DNAJA3: variants seen among roughly 807,000 people sequenced by gnomAD.
DNAJA3 encodes the protein DnaJ heat shock protein family (Hsp40) member A3, also known as dnaJ homolog subfamily A member 3, mitochondrial.
DNAJA3 carries 29 observed loss-of-function variants against 54.9 expected under a neutral mutation model. The ratio of observed to expected loss-of-function variants is 0.53; its 90% CI spans 0.39 to 0.72. DNAJA3 has a LOEUF of 0.72. Ranked by LOEUF, DNAJA3 falls within the 30% of genes least tolerant of loss-of-function variation. The pLI is 0.00. For synonymous variants in DNAJA3, 302 were observed against 251.4 expected (o/e 1.20, Z -1.90); for missense variants, 708 against 639.4 (o/e 1.11, Z -1.16).
At position 4,434,886 on chromosome 16, in the gene DNAJA3, C is replaced by CTTTTT. The variant is rs202179531; in HGVS notation, c.345+393_345+397dup. The stretch of plus-strand genomic sequence containing the variant: ...GGTTTAGAATTACTTCCTTTCCTTT[C>CTTTTT]TTTTTTTTTTTTTTTTTTTTTTTTT... On this transcript the variant is annotated intron_variant, in intron 2 of 11. Transcript: ENST00000262375. Among the ~76,000 whole-genome samples the CTTTTT allele has an allele frequency of 6.6e-3, 665 of 100,146 alleles. 12 individuals carry two copies. The highest frequency in any genetic ancestry group is 0.011 in the African/African-American group (259 of 24,306). 65.7% of individuals were successfully genotyped at this position (100,146 alleles called of 152,430 possible). A position where few individuals can be genotyped will look rare whatever the true frequency, so the allele number is the denominator to read the frequency against.
intron 1 of DNAJA3, among the ~76,000 whole-genome samples, chr16:4,428,905 T>TTG: frequency 6.8e-6 from 1 of 147,672 alleles, no homozygotes; most frequent in Admixed American, 6.7e-5. Context: ...TTTTTTTTTT[T>TTG]TGAGACGGAG....
Position 4,441,477 on chromosome 16 carries a change from C to T in DNAJA3, c.532C>T (p.Pro178Ser). 1.2e-6 allele frequency: 2 copies of T among 1,614,178 alleles called. No individual in the cohort carries two copies. The highest frequency in any genetic ancestry group is 1.1e-5 in the South Asian group (1 of 91,080). Residue 178 changes from proline (P) to serine (S), a missense_variant, in exon 4 of 12, where the codon CCC becomes TCC. Pro to Ser is a moderately conservative substitution (Grantham distance 74). Coordinates refer to ENST00000262375, the MANE Select transcript of DNAJA3 (RefSeq NM_005147.6). ...GSQHSYWKGGPTVDPEELFRK... is the reference protein window; with the variant it reads ...GSQHSYWKGGSTVDPEELFRK... ...CCAGCATAGCTACTGGAAGGGAGGC[C>T]CCACTGTGGACCCCGAGGAGCTGTT...
In DNAJA3 at chr16:4,448,718, T is replaced by C; in HGVS notation, c.1126-15T>C. The C allele has an allele frequency of 6.2e-7, 1 of 1,600,820 alleles. No homozygotes were observed. Among genetic ancestry groups the C allele is most frequent in the Non-Finnish European group, 8.6e-7 (1 of 1,168,802 alleles). ...CTGGGGACCAGGGGAAACCACAGAT[T>C]TTCTTTCTTTATAGATCCCCCCTGG... On this transcript the variant is annotated splice_polypyrimidine_tract_variant and intron_variant, in intron 8 of 11. Coordinates refer to ENST00000262375, the MANE Select transcript of DNAJA3 (RefSeq NM_005147.6).
At chr16:4,427,661 G>A (rs907491540) in intron 1 of DNAJA3, among the ~76,000 whole-genome samples, 3 of 152,160 alleles carry the variant, frequency 2.0e-5, no homozygotes, top group African/African-American at 7.2e-5. Context: ...TTGGTTAAGA[G>A]AATGATTATT....
chr16:4,432,642 C>T (rs187411566), intron 1 of DNAJA3, among the ~76,000 whole-genome samples: 12 of 152,156 alleles, frequency 7.9e-5, no homozygotes, highest in Admixed American at 2.6e-4. Context: ...ATACCCGGCC[C>T]GGCTTATTCA....
chr16:4,447,494 C>G (rs1010124167), intron 8 of DNAJA3: 8 of 153,986 alleles, frequency 5.2e-5, no homozygotes, highest in African/African-American at 1.9e-4. Flanking sequence ...GCCTCAGAAC[C>G]TTCTCCAGCT....
chr16:4,432,090 C>T (rs2056710200), intron 1 of DNAJA3, among the ~76,000 whole-genome samples: 1 of 151,184 alleles, frequency 6.6e-6, no homozygotes, highest in South Asian at 2.1e-4. Flanking sequence ...GATTCAAAGT[C>T]CTCTTTAGCC....
rs1045845326 is a variant in DNAJA3, at chr16:4,455,629, C to T, written c.*97C>T. On this transcript the variant is annotated 3_prime_UTR_variant, in exon 12 of 12. Transcript: ENST00000262375. ...CCTGGGAGACGGGAGGATTCCAGAA[C>T]AGCAGCACTGAGCTCCCACCCGCAG... The T allele has an allele frequency of 2.6e-5, 40 of 1,541,172 alleles. 1 individual carries two copies. In the South Asian group the frequency reaches 3.8e-4, roughly 15 times the overall value.
chr16:4,429,607 G>A (rs2056668924), intron 1 of DNAJA3, among the ~76,000 whole-genome samples: 1 of 152,156 alleles, frequency 6.6e-6, no homozygotes, highest in African/African-American at 2.4e-5. Flanking sequence ...GGCCTATGCG[G>A]GCGGATCACC....
intron 9 of DNAJA3, among the ~76,000 whole-genome samples, chr16:4,449,066 G>A (rs1330512621): frequency 5.3e-5 from 8 of 152,016 alleles, no homozygotes; most frequent in Admixed American, 1.3e-4. Context: ...GCGCCATCTC[G>A]GCTCACTGCA....
intron 9 of DNAJA3, chr16:4,450,178 C>T: frequency 2.1e-6 from 1 of 481,806 alleles, no homozygotes; most frequent in Admixed American, 3.8e-5. Flanking sequence ...CACAGTGACA[C>T]TTGTTTAAAT....
intron 1 of DNAJA3, among the ~76,000 whole-genome samples, chr16:4,432,114 C>A (rs1212312317): frequency 1.3e-5 from 2 of 150,512 alleles, no homozygotes; most frequent in African/African-American, 4.9e-5. Flanking sequence ...TTCTGTCTCT[C>A]TCTCTTTTTT....
chr16:4,441,112 A>T (rs1192467060), intron 3 of DNAJA3: 1 of 537,598 alleles, frequency 1.9e-6, no homozygotes, highest in South Asian at 2.7e-5. Context: ...GAGGATCAAC[A>T]CAAACATTTT....
At chr16:4,446,562 A>G (rs2056904288) in intron 7 of DNAJA3, among the ~76,000 whole-genome samples, 1 of 152,186 alleles carries the variant, frequency 6.6e-6, no homozygotes, top group Non-Finnish European at 1.5e-5. Context: ...ATTAAAAAAA[A>G]AAAATCAAAA....
rs773939074 is a variant in DNAJA3 at position 4,441,488 on chromosome 16, C to A, written c.543C>A (p.Asp181Glu). Residue 181 changes from aspartate (D) to glutamate (E), a missense_variant, in exon 4 of 12, where the codon GAC becomes GAA. Transcript: ENST00000262375. ...HSYWKGGPTV[D>E]PEELFRKIFG... ...ACTGGAAGGGAGGCCCCACTGTGGA[C>A]CCCGAGGAGCTGTTCAGGAAGATCT... 6.2e-7 allele frequency: 1 copy of A among 1,614,176 alleles called. No individual in the cohort carries two copies. Among genetic ancestry groups the A allele is most frequent in the East Asian group, 2.2e-5 (1 of 44,878 alleles).
rs147388322 is a variant in DNAJA3, at chr16:4,441,415, A to G, written c.470A>G (p.Tyr157Cys). ...GTGAAGAGGAAGCAGTACGATGCCT[A>G]CGGCTCTGCAGGCTTCGATCCTGGG... Reference protein sequence around the residue: ...DEVKRKQYDAYGSAGFDPGAS... With the variant: ...DEVKRKQYDACGSAGFDPGAS... Residue 157 changes from tyrosine (Y) to cysteine (C), a missense_variant, in exon 4 of 12, where the codon TAC becomes TGC. By Grantham distance (194) the Tyr-to-Cys change is radical. Coordinates refer to ENST00000262375, the MANE Select transcript of DNAJA3 (RefSeq NM_005147.6). The G allele has an allele frequency of 1.1e-4, 181 of 1,613,968 alleles. No individual in the cohort carries two copies. The highest frequency in any genetic ancestry group is 1.4e-4 in the Non-Finnish European group (168 of 1,180,050).
chr16:4,451,046 G>C (rs866031196), intron 10 of DNAJA3, among the ~76,000 whole-genome samples: 1 of 152,154 alleles, frequency 6.6e-6, no homozygotes, highest in Non-Finnish European at 1.5e-5. Context: ...CCTGAGCTCA[G>C]ACATCGTGCT....
At chr16:4,429,202 T>C (rs948770704) in intron 1 of DNAJA3, among the ~76,000 whole-genome samples, 1 of 134,950 alleles carries the variant, frequency 7.4e-6, no homozygotes, top group East Asian at 2.3e-4. Flanking sequence ...TTTTTTTGTT[T>C]GTTTGTTTGA....
At chr16:4,429,620 A>C (rs2056669048) in intron 1 of DNAJA3, among the ~76,000 whole-genome samples, 1 of 152,154 alleles carries the variant, frequency 6.6e-6, no homozygotes, top group Non-Finnish European at 1.5e-5. Flanking sequence ...GGATCACCTG[A>C]AGTCAGGAGT....
Sources: allele counts gnomAD v4.1 joint callset (sites outside exome capture counted in the v4.1 genomes callset), GRCh38; gene constraint gnomAD v4.1.1; transcripts MANE v1.5; gene names NCBI Gene and HGNC (gene_info 2026-07-23, HGNC 2026-07-21).